Variants in TLE2 observed in about 807,000 individuals in gnomAD.
TLE2 encodes TLE family member 2, transcriptional corepressor.
Under a neutral mutation model 97.2 loss-of-function variants are expected in TLE2, and 74 were observed. That is an observed-to-expected ratio of 0.76 (90% CI 0.63 to 0.92). The LOEUF (loss-of-function observed/expected upper bound fraction) is 0.92, where lower values mean the gene tolerates loss of function less well. TLE2 is among the 40% of genes least tolerant of loss of function. The probability of loss-of-function intolerance (pLI) is 0.00; values close to 1 mark genes in which losing one functional copy is unlikely to be tolerated. For synonymous variants in TLE2, 499 were observed against 432.1 expected (o/e 1.15, Z -1.92); for missense variants, 1,038 against 1,008.7 (o/e 1.03, Z -0.39).
intron 14 of TLE2, among the ~76,000 whole-genome samples, chr19:3,007,547 G>T (rs2089504107): frequency 6.6e-6 from 1 of 152,118 alleles, no homozygotes; most frequent in East Asian, 1.9e-4. Flanking sequence ...ATGGTGCTCG[G>T]CCTCTGATTT....
chr19:3,036,942 C>T (rs1478839102), intron 1 of TLE2, among the ~76,000 whole-genome samples: 2 of 152,134 alleles, frequency 1.3e-5, no homozygotes, highest in Non-Finnish European at 2.9e-5. Context: ...GATTTAGCGC[C>T]CCCATTGGGA....
intron 13 of TLE2, 50 bp from the exon 14 acceptor site, chr19:3,008,995 C>T (rs753988461): frequency 6.3e-5 from 92 of 1,457,056 alleles, no homozygotes; most frequent in Admixed American, 2.1e-4. Context: ...TCCAACCCAC[C>T]TCTGTGCCAC....
upstream of TLE2, among the ~76,000 whole-genome samples, chr19:3,030,161 T>C (rs1341790926): frequency 6.6e-6 from 1 of 152,136 alleles, no homozygotes; most frequent in African/African-American, 2.4e-5. Flanking sequence ...CAGAGCAAAC[T>C]TCCACAGATG....
intron 1 of TLE2, among the ~76,000 whole-genome samples, chr19:3,035,794 G>A (rs949162065): frequency 2.0e-5 from 3 of 152,190 alleles, no homozygotes; most frequent in Non-Finnish European, 4.4e-5. Flanking sequence ...AAGGCAGCTC[G>A]GCGCTCCCGG....
chr19:3,028,238 G>A (rs2089978123), intron 3 of TLE2, 81 bp downstream of exon 3: 3 of 1,417,992 alleles, frequency 2.1e-6, no homozygotes, highest in Admixed American at 1.9e-5. Context: ...TCGGAGTGGG[G>A]CAGGGACCTA....
Position 3,005,845 on chromosome 19 carries a change from C to A in TLE2, c.1624G>T (p.Glu542Ter). The part of the protein sequence containing the change: ...LAAPTPRIKA[E>*]LTSSAPACYA... ...CAGGCTGGGGCTGAGGAAGTCAGCT[C>A]GGCCTTGATACGGGGGGTGGGCGCC... The change falls in exon 16 of 20, where the codon GAG (glutamate) becomes TAG (stop). Residue 542 changes from glutamate to a stop codon, truncating the protein, a stop_gained. Coordinates refer to ENST00000262953, the MANE Select transcript of TLE2 (RefSeq NM_003260.5). LOFTEE classifies it high-confidence loss of function. 6.2e-7 allele frequency: 1 copy of A among 1,613,936 alleles called. No individual in the cohort carries two copies. Among genetic ancestry groups the A allele is most frequent in the Non-Finnish European group, 8.5e-7 (1 of 1,179,870 alleles).
chr19:3,008,904 G>C lies in TLE2; in HGVS notation c.1215C>G (p.Val405=), dbSNP rs757256635. ...ESHPHLRGSS[V]SSSLPSIPGG... is the part of the protein sequence containing the mutation. Reference sequence around the variant, plus strand: ...CAGGGATGCTGGGTAGGGAGGAAGAGACGGATGACCCTCGGAGATGGGGAT... The same window carrying C: ...CAGGGATGCTGGGTAGGGAGGAAGACACGGATGACCCTCGGAGATGGGGAT... The change falls in exon 14 of 20, where the codon GTC becomes GTG. Residue 405 remains valine (V), a synonymous_variant. Coordinates refer to ENST00000262953, the MANE Select transcript of TLE2 (RefSeq NM_003260.5). The C allele has an allele frequency of 1.3e-6, 2 of 1,595,886 alleles. No individual in the cohort carries two copies. The highest frequency in any genetic ancestry group is 1.7e-6 in the Non-Finnish European group (2 of 1,171,432).
At chr19:3,046,343 A>C (rs1293662025), upstream of TLE2, among the ~76,000 whole-genome samples, 5 of 152,358 alleles carry the variant, frequency 3.3e-5, no homozygotes, top group Non-Finnish European at 5.9e-5. Flanking sequence ...CAGCCAGCGC[A>C]GGCACCTGGC....
chr19:3,001,099 C>T (rs1449799390), intron 18 of TLE2, among the ~76,000 whole-genome samples: 1 of 151,868 alleles, frequency 6.6e-6, no homozygotes, highest in Non-Finnish European at 1.5e-5. Context: ...ATGGTGAAAC[C>T]CCTTCTCTAC....
At position 3,006,773 on chromosome 19, in the gene TLE2, G is replaced by GTGTTTTTTATTTTTTGTTT. The variant is rs554948555; in HGVS notation, c.1251-123_1251-105dup. ...TTTGTCCTGCCTGGCACCCTCTGAT[G>GTGTTTTTTATTTTTTGTTT]TGTTTTTTATTTTTTGTTTTGTTTT... On this transcript the variant is annotated intron_variant, in intron 14 of 19. Coordinates refer to ENST00000262953, the MANE Select transcript of TLE2 (RefSeq NM_003260.5). 3.7e-3 allele frequency: 5,306 copies of GTGTTTTTTATTTTTTGTTT among 1,443,550 alleles called. 17 individuals are homozygous for GTGTTTTTTATTTTTTGTTT. The highest frequency in any genetic ancestry group is 4.2e-3 in the Non-Finnish European group (4,583 of 1,088,088). 89.4% of individuals were successfully genotyped at this position (1,443,550 alleles called of 1,614,324 possible).
intron 14 of TLE2, 148 bp from the exon 15 acceptor site, chr19:3,006,817 G>A (rs1367785164): frequency 2.7e-5 from 33 of 1,221,428 alleles, no homozygotes; most frequent in Admixed American, 1.4e-4. Flanking sequence ...GAGTCTCGCC[G>A]TGTCGCCCAG....
intron 14 of TLE2, among the ~76,000 whole-genome samples, chr19:3,007,747 G>A (rs1002010059): frequency 2.6e-5 from 4 of 152,062 alleles, no homozygotes; most frequent in African/African-American, 7.2e-5. Context: ...TAGGAGCCCC[G>A]GCCACCTGTG....
intron 1 of TLE2, among the ~76,000 whole-genome samples, chr19:3,041,014 T>TATATATATATGTATA (rs55998855): frequency 1.5e-4 from 3 of 20,166 alleles, no homozygotes; most frequent in African/African-American, 2.1e-4. Flanking sequence ...TATATATATA[T>TATATATATATGTATA]TTTTTTTTTT....
upstream of TLE2, among the ~76,000 whole-genome samples, chr19:3,032,956 C>T (rs1396335944): frequency 3.1e-5 from 4 of 128,862 alleles, no homozygotes; most frequent in Non-Finnish European, 5.2e-5. This position sits in a 1 kb window ranked among gnomAD's most constrained non-coding sequence, Gnocchi z 4.1. Context: ...TTTTTTTTGA[C>T]GGAGTCATGC....
intron 19 of TLE2, 63 bp from the exon 20 acceptor site, chr19:2,998,018 G>T (rs2089254745): frequency 8.2e-7 from 1 of 1,223,410 alleles, no homozygotes; most frequent in Non-Finnish European, 1.2e-6. Flanking sequence ...ATGGGTGTGT[G>T]GGCAAGGCTG....
chr19:3,006,502 T>A lies in TLE2; in HGVS notation c.1418A>T (p.Tyr473Phe). Reference protein sequence around the residue: ...VTISGSTQHVYTGGKGCVKVW... With the variant: ...VTISGSTQHVFTGGKGCVKVW... ...CTTCACACAGCCCTTGCCGCCCGTG[T>A]ACACATGCTGTGTGGAGCCGCTGAT... The change falls in exon 15 of 20, where the codon TAC (tyrosine) becomes TTC (phenylalanine). Residue 473 changes from tyrosine (Y) to phenylalanine (F), a missense_variant. Physicochemically the swap from Tyr to Phe is conservative, Grantham distance 22. Coordinates refer to ENST00000262953, the MANE Select transcript of TLE2 (RefSeq NM_003260.5). The A allele has an allele frequency of 6.2e-7, 1 of 1,609,608 alleles. No individual in the cohort carries two copies. Among genetic ancestry groups the A allele is most frequent in the South Asian group, 1.1e-5 (1 of 90,434 alleles).
chr19:3,018,573 G>A (rs1048775830), intron 7 of TLE2, among the ~76,000 whole-genome samples: 17 of 147,578 alleles, frequency 1.2e-4, no homozygotes, highest in East Asian at 1.0e-3. Context: ...GATTACAGGC[G>A]TGAACCACCG....
intron 8 of TLE2, 145 bp from the exon 9 acceptor site, chr19:3,015,905 C>T (rs76836238): frequency 0.011 from 7,711 of 710,732 alleles, 93 homozygotes; most frequent in Non-Finnish European, 0.013. Context: ...GAGCTTCCAA[C>T]GGCTGACTCA....
At chr19:3,009,501 G>C (rs1262802740) in intron 13 of TLE2, 41 bp downstream of exon 13, 1 of 1,546,930 alleles carries the variant, frequency 6.5e-7, no homozygotes, top group African/African-American at 1.4e-5. Flanking sequence ...CCAGCCCCTG[G>C]GCCCTGCTGA....
Sources: gnomAD v4.1 joint callset for allele counts (sites outside exome capture counted in the v4.1 genomes callset) on GRCh38, gnomAD v4.1.1 for gene constraint, Gnocchi (gnomAD v3.1) non-coding constraint, MANE v1.5 for transcripts, NCBI Gene and HGNC (gene_info 2026-07-23, HGNC 2026-07-21) for gene names.